ADAM10: variants seen among roughly 807,000 people sequenced by gnomAD.
ADAM10 encodes ADAM metallopeptidase domain 10.
In ADAM10, 17 loss-of-function variants were observed where a neutral mutation model predicts 90.1. The observed-to-expected ratio is 0.19, with a 90% CI of 0.13 to 0.28. The LOEUF (loss-of-function observed/expected upper bound fraction) is 0.28. Ranked by LOEUF, ADAM10 falls within the 10% of genes least tolerant of loss-of-function variation. The pLI is 1.00. For synonymous variants in ADAM10, 310 were observed against 298.6 expected (o/e 1.04, Z -0.40); for missense variants, 610 against 914.3 (o/e 0.67, Z 4.29).
chr15:58,741,817 C>T (rs1899625889), intron 1 of ADAM10, among the ~76,000 whole-genome samples: 1 of 152,192 alleles, frequency 6.6e-6, no homozygotes, highest in Non-Finnish European at 1.5e-5. Context: ...AACAGGGACT[C>T]CACCCAACAG....
intron 1 of ADAM10, chr15:58,732,186 G>C (rs1312525414): frequency 1.3e-5 from 2 of 152,486 alleles, no homozygotes; most frequent in Non-Finnish European, 2.9e-5. Flanking sequence ...CAAGTGCAGT[G>C]ATGTGGGAAA....
At chr15:58,730,757 G>A (rs1347784752) in intron 1 of ADAM10, among the ~76,000 whole-genome samples, 1 of 152,146 alleles carries the variant, frequency 6.6e-6, no homozygotes, top group Admixed American at 6.5e-5. Context: ...TGGGCTGACT[G>A]GGGAAGATCC....
chr15:58,650,353 T>C (rs1349136326), intron 5 of ADAM10, among the ~76,000 whole-genome samples: 3 of 152,188 alleles, frequency 2.0e-5, no homozygotes, highest in African/African-American at 7.2e-5. Context: ...TAAGCAGAGT[T>C]AGGCTTGGTG....
intron 1 of ADAM10, among the ~76,000 whole-genome samples, chr15:58,745,517 G>GT (rs1899762705): frequency 6.6e-6 from 1 of 151,978 alleles, no homozygotes; most frequent in South Asian, 2.1e-4. Flanking sequence ...ATGAAAACGG[G>GT]TTTTTTTAAA....
intron 11 of ADAM10, among the ~76,000 whole-genome samples, chr15:58,618,047 A>G (rs181115559): frequency 3.5e-4 from 54 of 152,312 alleles, no homozygotes; most frequent in African/African-American, 1.1e-3. Context: ...AAACAATCCT[A>G]TAAGTCATAT....
At chr15:58,704,960 A>C (rs746595156) in intron 2 of ADAM10, among the ~76,000 whole-genome samples, 1 of 152,186 alleles carries the variant, frequency 6.6e-6, no homozygotes, top group Non-Finnish European at 1.5e-5. Context: ...GGAGTGTTGT[A>C]GTAGTCTTAA....
intron 2 of ADAM10, among the ~76,000 whole-genome samples, chr15:58,701,014 C>CAAAA (rs1257060994): frequency 1.6e-4 from 7 of 44,914 alleles, no homozygotes; most frequent in Non-Finnish European, 3.6e-4. Context: ...TAAAAAAAAA[C>CAAAA]AAAAAAACAA....
At chr15:58,719,712 T>C (rs759853970) in intron 1 of ADAM10, among the ~76,000 whole-genome samples, 8 of 152,114 alleles carry the variant, frequency 5.3e-5, no homozygotes, top group Non-Finnish European at 1.2e-4. Context: ...CCTTAAGCAT[T>C]TTTTACTAGA....
At chr15:58,669,407 G>A (rs1897145911) in intron 4 of ADAM10, among the ~76,000 whole-genome samples, 1 of 152,120 alleles carries the variant, frequency 6.6e-6, no homozygotes, top group South Asian at 2.1e-4. Context: ...CACATAAACA[G>A]CAGTAAAGAG....
intron 3 of ADAM10, among the ~76,000 whole-genome samples, chr15:58,679,724 G>C (rs1320587086): frequency 6.6e-6 from 1 of 152,072 alleles, no homozygotes; most frequent in Non-Finnish European, 1.5e-5. Context: ...AGCTAACATA[G>C]CGAAACCCTG....
rs1376785064 is a variant in ADAM10 at position 58,596,793 on chromosome 15, G to A, written c.*754C>T. The A allele has an allele frequency of 6.5e-6, 1 of 153,438 alleles. No individual in the cohort carries two copies. Among genetic ancestry groups the A allele is most frequent in the Non-Finnish European group, 1.5e-5 (1 of 68,952 alleles). 9.5% of individuals were successfully genotyped at this position (153,438 alleles called of 1,614,324 possible). On this transcript the variant is annotated 3_prime_UTR_variant, in exon 16 of 16. Transcript: ENST00000260408. ...TCCAGTTTGCACAACACTTAACTGTGTTCTTCAGTATAGTCACTTGTGCCC... is the reference window on the plus strand; with the variant it reads ...TCCAGTTTGCACAACACTTAACTGTATTCTTCAGTATAGTCACTTGTGCCC...
At chr15:58,653,092 T>C (rs1896727540) in intron 5 of ADAM10, among the ~76,000 whole-genome samples, 1 of 152,208 alleles carries the variant, frequency 6.6e-6, no homozygotes, top group African/African-American at 2.4e-5. Context: ...ACTGTATTTG[T>C]TTATCAGTTC....
chr15:58,595,425 C>T lies in ADAM10; in HGVS notation c.*2122G>A, dbSNP rs1209397834. The T allele has an allele frequency of 1.3e-5, 2 of 152,048 alleles. No homozygotes were observed. Among genetic ancestry groups the T allele is most frequent in the African/African-American group, 4.8e-5 (2 of 41,398 alleles). The allele number at this position is 152,048 out of a possible 1,614,324, so 9.4% of individuals were successfully genotyped here. ...TAATCGTCTATTTATTAATGCATTTCAAGTTTCAAAAAACCTTACATCTTT... is the reference window on the plus strand; with the variant it reads ...TAATCGTCTATTTATTAATGCATTTTAAGTTTCAAAAAACCTTACATCTTT... On this transcript the variant is annotated 3_prime_UTR_variant, in exon 16 of 16. Coordinates refer to ENST00000260408, the MANE Select transcript of ADAM10 (RefSeq NM_001110.4).
chr15:58,612,936 G>A (rs1226275840), intron 11 of ADAM10, among the ~76,000 whole-genome samples: 2 of 152,156 alleles, frequency 1.3e-5, no homozygotes, highest in Non-Finnish European at 2.9e-5. Flanking sequence ...GAGATCCTGA[G>A]CCTAGAACTC....
At position 58,665,174 on chromosome 15, in the gene ADAM10, G is replaced by C. The variant is rs373076304; in HGVS notation, c.508C>G (p.Gln170Glu). 8 of 1,612,542 alleles carry C rather than the reference G, an allele frequency of 5.0e-6. 1 individual carries two copies. The African/African-American group carries it at 1.1e-4, about 22-fold the overall frequency. The change falls in exon 5 of 16, where the codon CAG becomes GAG. Residue 170 changes from glutamine (Q) to glutamate (E), a missense_variant. Physicochemically the swap from Gln to Glu is conservative, Grantham distance 29. Coordinates refer to ENST00000260408, the MANE Select transcript of ADAM10 (RefSeq NM_001110.4). ...ACTGAATGATCTGCACAGCCCCCCTGAGGACCGTATTTATGGGGATAGTCT... is the reference window on the plus strand; with the variant it reads ...ACTGAATGATCTGCACAGCCCCCCTCAGGACCGTATTTATGGGGATAGTCT... ...DINYPHKYGP[Q>E]GGCADHSVFE...
intron 2 of ADAM10, among the ~76,000 whole-genome samples, chr15:58,690,426 T>C (rs549102624): frequency 3.3e-5 from 5 of 152,332 alleles, no homozygotes; most frequent in Admixed American, 2.6e-4. Flanking sequence ...CCTCTTTTAG[T>C]TGCTAATCCC....
At chr15:58,662,356 A>G (rs1467716532) in intron 5 of ADAM10, among the ~76,000 whole-genome samples, 2 of 152,178 alleles carry the variant, frequency 1.3e-5, no homozygotes, top group South Asian at 2.1e-4. Flanking sequence ...TTTTAGAGAC[A>G]GGGTCTCGCG....
At chr15:58,664,186 T>C (rs1041564088) in intron 5 of ADAM10, among the ~76,000 whole-genome samples, 1 of 152,124 alleles carries the variant, frequency 6.6e-6, no homozygotes, top group African/African-American at 2.4e-5. Flanking sequence ...AAGGTCTGAT[T>C]ATTGCCTTCA....
chr15:58,695,673 A>C (rs1367656556), intron 2 of ADAM10, among the ~76,000 whole-genome samples: 1 of 38,028 alleles, frequency 2.6e-5, no homozygotes, highest in Non-Finnish European at 6.0e-5. Flanking sequence ...ACAGAGCAAG[A>C]CTTGTCTAAA....
Sources: allele counts gnomAD v4.1 joint callset (sites outside exome capture counted in the v4.1 genomes callset), GRCh38; gene constraint gnomAD v4.1.1; transcripts MANE v1.5; gene names NCBI Gene and HGNC (gene_info 2026-07-23, HGNC 2026-07-21).